Variants in PLCB4 observed in about 807,000 individuals in gnomAD.
The protein encoded by PLCB4 is 1-phosphatidylinositol 4,5-bisphosphate phosphodiesterase beta-4.
A neutral mutation model predicts 178.8 loss-of-function variants in PLCB4; 77 were observed. That is an observed-to-expected ratio of 0.43 (90% CI 0.36 to 0.52). The LOEUF (loss-of-function observed/expected upper bound fraction) is 0.52. Ranked by LOEUF, PLCB4 falls within the 20% of genes least tolerant of loss-of-function variation. PLCB4 has a pLI of 0.00. For missense variants in PLCB4, 1,024 were observed against 1,453.4 expected, an observed-to-expected ratio of 0.70 and a Z score of 4.80; for synonymous variants, 496 against 490.8, an observed-to-expected ratio of 1.01 and a Z score of -0.14.
At chr20:9,368,249 A>G (rs954131359) in intron 9 of PLCB4, among the ~76,000 whole-genome samples, 6 of 152,252 alleles carry the variant, frequency 3.9e-5, no homozygotes, top group Non-Finnish European at 7.3e-5. Context: ...CAGGAATAAC[A>G]CATGAAGAAA....
chr20:9,379,711 G>A (rs2036976507), intron 12 of PLCB4, among the ~76,000 whole-genome samples: 2 of 151,958 alleles, frequency 1.3e-5, no homozygotes, highest in Non-Finnish European at 2.9e-5. Flanking sequence ...TTGACCTCAC[G>A]TTTTATAGAT....
intron 8 of PLCB4, among the ~76,000 whole-genome samples, chr20:9,364,056 A>G (rs991708687): frequency 6.6e-6 from 1 of 152,178 alleles, no homozygotes; most frequent in Admixed American, 6.5e-5. Flanking sequence ...TCTTTATTCA[A>G]TACTACTTAT....
intron 2 of PLCB4, among the ~76,000 whole-genome samples, chr20:9,204,169 A>T (rs1415836977): frequency 6.6e-6 from 1 of 152,180 alleles, no homozygotes; most frequent in Non-Finnish European, 1.5e-5. Context: ...AAAATAGTTA[A>T]AATCTTAGTC....
chr20:9,242,191 A>G (rs776704987), intron 3 of PLCB4, among the ~76,000 whole-genome samples: 99 of 152,344 alleles, frequency 6.5e-4, no homozygotes, highest in Admixed American at 1.6e-3. Flanking sequence ...CCAAGCATAC[A>G]GGGAGGTTAT....
intron 19 of PLCB4, among the ~76,000 whole-genome samples, chr20:9,400,744 C>A (rs376436211): frequency 6.6e-6 from 1 of 152,196 alleles, no homozygotes; most frequent in East Asian, 1.9e-4. Context: ...CATTTTCCAG[C>A]AGGTACTTCT....
intron 20 of PLCB4, among the ~76,000 whole-genome samples, chr20:9,402,121 T>C (rs1483103673): frequency 6.6e-6 from 1 of 152,258 alleles, no homozygotes; most frequent in African/African-American, 2.4e-5. Flanking sequence ...ACTTGCCTTC[T>C]GCCCTTAGGC....
intron 13 of PLCB4, 144 bp from the exon 14 acceptor site, chr20:9,384,057 T>G: frequency 1.5e-6 from 1 of 646,170 alleles, no homozygotes; most frequent in Non-Finnish European, 2.8e-6. Flanking sequence ...TTCATTCAAG[T>G]TCTGACAGAT....
intron 2 of PLCB4, among the ~76,000 whole-genome samples, chr20:9,207,048 G>A (rs766078130): frequency 1.1e-4 from 17 of 152,068 alleles, no homozygotes; most frequent in East Asian, 1.9e-4. Context: ...CCCGGGAGGC[G>A]GAGTTTGCAG....
intron 3 of PLCB4, among the ~76,000 whole-genome samples, chr20:9,294,719 T>G (rs1200240875): frequency 6.6e-6 from 1 of 152,118 alleles, no homozygotes; most frequent in Non-Finnish European, 1.5e-5. Context: ...TGCAATCACC[T>G]GGCTAGCTGG....
At chr20:9,167,644 GTA>G (rs1311165238) in intron 2 of PLCB4, among the ~76,000 whole-genome samples, 1 of 152,166 alleles carries the variant, frequency 6.6e-6, no homozygotes, top group Non-Finnish European at 1.5e-5. Flanking sequence ...GTTGGTTTGT[GTA>G]TTTGGTAATT....
chr20:9,145,723 A>G (rs572507229), intron 2 of PLCB4, among the ~76,000 whole-genome samples: 1 of 152,186 alleles, frequency 6.6e-6, no homozygotes, highest in African/African-American at 2.4e-5. Flanking sequence ...ATCATCTGTG[A>G]GCCACCTAAA....
At chr20:9,344,774 A>G (rs1430876936) in intron 7 of PLCB4, among the ~76,000 whole-genome samples, 1 of 152,146 alleles carries the variant, frequency 6.6e-6, no homozygotes, top group African/African-American at 2.4e-5. Context: ...ACGAGACTGG[A>G]GGTTTTGACC....
At chr20:9,450,744 G>A (rs1219702012) in intron 32 of PLCB4, among the ~76,000 whole-genome samples, 1 of 149,580 alleles carries the variant, frequency 6.7e-6, no homozygotes, top group Non-Finnish European at 1.5e-5. Context: ...TGCCTCCCGG[G>A]TTCAAGCAAT....
chr20:9,171,390 T>C (rs995503649), intron 2 of PLCB4, among the ~76,000 whole-genome samples: 18 of 152,196 alleles, frequency 1.2e-4, no homozygotes, highest in African/African-American at 4.3e-4. Flanking sequence ...ATGCAATCCT[T>C]AGAACCAAAC....
intron 3 of PLCB4, among the ~76,000 whole-genome samples, chr20:9,226,687 G>A (rs2093870127): frequency 6.6e-6 from 1 of 152,042 alleles, no homozygotes; most frequent in Admixed American, 6.6e-5. Flanking sequence ...TTTTCATGAG[G>A]CTCAGAACTA....
intron 3 of PLCB4, among the ~76,000 whole-genome samples, chr20:9,242,795 C>T (rs1422624981): frequency 6.6e-6 from 1 of 152,146 alleles, no homozygotes; most frequent in Non-Finnish European, 1.5e-5. Flanking sequence ...TGCAGATTCT[C>T]AGGCTCACCC....
At chr20:9,256,234 G>A (rs1343993092) in intron 3 of PLCB4, among the ~76,000 whole-genome samples, 1 of 152,152 alleles carries the variant, frequency 6.6e-6, no homozygotes, top group African/African-American at 2.4e-5. Context: ...GCAGTCCAGA[G>A]CTGGTTCAAG....
chr20:9,186,398 G>A (rs894294641), intron 2 of PLCB4, among the ~76,000 whole-genome samples: 4 of 152,120 alleles, frequency 2.6e-5, no homozygotes, highest in Non-Finnish European at 4.4e-5. Context: ...GATCCTCAGA[G>A]GTTTTTAATT....
chr20:9,355,591 C>T (rs1031460456), intron 7 of PLCB4, among the ~76,000 whole-genome samples: 1 of 151,918 alleles, frequency 6.6e-6, no homozygotes, highest in Non-Finnish European at 1.5e-5. Context: ...ATGATGATTT[C>T]CAATTTCATC....
Sources: allele counts gnomAD v4.1 joint callset (sites outside exome capture counted in the v4.1 genomes callset), GRCh38; gene constraint gnomAD v4.1.1; transcripts MANE v1.5; gene names NCBI Gene and HGNC (gene_info 2026-07-23, HGNC 2026-07-21).